The following PROKR2 variants were observed in gnomAD, a reference collection of about 807,000 sequenced individuals.
PROKR2 encodes the protein prokineticin receptor 2.
Under a neutral mutation model 23.4 loss-of-function variants are expected in PROKR2, and 26 were observed. That is an observed-to-expected ratio of 1.11 (90% confidence interval 0.81 to 1.54). PROKR2 has a LOEUF of 1.54. PROKR2 is among the 40% of genes most tolerant of loss of function. The pLI is 0.00. For missense variants in PROKR2, 453 were observed against 511.5 expected, an observed-to-expected ratio of 0.89 and a Z score of 1.10; for synonymous variants, 212 against 201.2, an observed-to-expected ratio of 1.05 and a Z score of -0.45.
chr20:5,315,777 G>A (rs1398811480), intron 1 of PROKR2: 1 of 450,304 alleles, frequency 2.2e-6, no homozygotes, highest in Non-Finnish European at 4.5e-6. Flanking sequence ...TTCTCTCCAG[G>A]TCGCCCCTCC....
rs556508174 is a variant in PROKR2, at chr20:5,316,009, G to A, written c.-9+485C>T. On this transcript the variant is annotated intron_variant, in intron 1 of 2. Transcript: ENST00000678254. The surrounding 1 kb of genome is among the most constrained non-coding windows in gnomAD (Gnocchi z 5.0). The stretch of plus-strand genomic sequence containing the variant: ...GCCCCATCAACGCGGCCGCACTGTC[G>A]GCGTCTAGAGGCGACATCCTGGCAA... The A allele has an allele frequency of 1.5e-5, 7 of 456,680 alleles. No individual in the cohort carries two copies. The East Asian group carries it at 4.9e-4, about 32-fold the overall frequency. The allele number at this position is 456,680 out of a possible 1,614,324, so 28.3% of individuals were successfully genotyped here. A position where few individuals can be genotyped will look rare whatever the true frequency, so the allele number is the denominator to read the frequency against.
chr20:5,303,836 T>C (rs1158569280), intron 2 of PROKR2, among the ~76,000 whole-genome samples: 1 of 152,152 alleles, frequency 6.6e-6, no homozygotes, highest in African/African-American at 2.4e-5. Context: ...AAGAGCAGGA[T>C]GCCGCCTGCT....
intron 2 of PROKR2, among the ~76,000 whole-genome samples, chr20:5,304,577 A>G (rs7263915): frequency 0.52 from 79,507 of 151,966 alleles, 20,825 homozygotes; most frequent in African/African-American, 0.57. Context: ...GGGGTTGGCG[A>G]CTGGGCTGGT....
chr20:5,314,472 T>C (rs961598629), intron 1 of PROKR2, 95 bp from the exon 2 acceptor site: 87 of 993,706 alleles, frequency 8.8e-5, no homozygotes, highest in Non-Finnish European at 1.2e-4. Flanking sequence ...GCCCACATCC[T>C]TGGGGAGAGT....
Position 5,309,041 on chromosome 20 carries a change from G to T in PROKR2, c.458+4871C>A, listed in dbSNP as rs543266759. Among the ~76,000 whole-genome samples the T allele has an allele frequency of 1.8e-4, 27 of 152,280 alleles. No individual in the cohort carries two copies. In the South Asian group the frequency reaches 3.9e-3, roughly 22 times the overall value. On this transcript the variant is annotated intron_variant, in intron 2 of 2. Coordinates refer to ENST00000678254, the MANE Select transcript of PROKR2 (RefSeq NM_144773.4). ...AGGTATATTAATATGCACAGTGGTT[G>T]CTGGGGTTCTTCAGCCATGCATGTG...
chr20:5,312,546 G>T (rs1979482912), intron 2 of PROKR2, among the ~76,000 whole-genome samples: 1 of 152,142 alleles, frequency 6.6e-6, no homozygotes, highest in African/African-American at 2.4e-5. Context: ...CGTTTTTCCT[G>T]CAGAAATTAT....
intron 2 of PROKR2, among the ~76,000 whole-genome samples, chr20:5,307,333 A>T (rs58506596): frequency 6.6e-6 from 1 of 152,316 alleles, no homozygotes; most frequent in East Asian, 1.9e-4. Flanking sequence ...TGACACAGAG[A>T]ACAATTATAC....
chr20:5,311,814 C>T (rs984551792), intron 2 of PROKR2, among the ~76,000 whole-genome samples: 2 of 152,188 alleles, frequency 1.3e-5, no homozygotes, highest in Admixed American at 6.5e-5. Context: ...TGCTTCCTGC[C>T]CTCAAACATT....
rs953483172 is a variant in PROKR2 at position 5,299,433 on chromosome 20, T to C, written c.*2607A>G. On this transcript the variant is annotated 3_prime_UTR_variant, in exon 3 of 3. Transcript: ENST00000678254. ...TTCCTAAAGAATCTCCTGATTCGGC[T>C]AAGAGCCAGGATAGAATAATAAATA... 3.0e-4 allele frequency among the ~76,000 whole-genome samples: 46 copies of C among 152,136 alleles called. No individual in the cohort carries two copies. The highest frequency in any genetic ancestry group is 1.0e-3 in the African/African-American group (42 of 41,546).
chr20:5,303,402 T>C (rs1338060904), intron 2 of PROKR2, among the ~76,000 whole-genome samples: 2 of 152,126 alleles, frequency 1.3e-5, no homozygotes, highest in Admixed American at 1.3e-4. Context: ...AGGACTCTAA[T>C]GAAAAGTAAA....
intron 2 of PROKR2, among the ~76,000 whole-genome samples, chr20:5,305,161 A>G (rs781694823): frequency 1.3e-5 from 2 of 152,236 alleles, no homozygotes; most frequent in Non-Finnish European, 2.9e-5. Flanking sequence ...TTTGAGAAAG[A>G]TGGGAACCTG....
At chr20:5,313,099 A>G (rs1042343925) in intron 2 of PROKR2, among the ~76,000 whole-genome samples, 2 of 152,256 alleles carry the variant, frequency 1.3e-5, no homozygotes, top group Middle Eastern at 3.2e-3. Flanking sequence ...GTATACATAC[A>G]TGCATAGAAA....
chr20:5,306,767 AAG>A (rs1228634132), intron 2 of PROKR2, among the ~76,000 whole-genome samples: 1 of 152,206 alleles, frequency 6.6e-6, no homozygotes, highest in African/African-American at 2.4e-5. Flanking sequence ...AAAAACAAAA[AAG>A]GGGGAGAAAT....
At chr20:5,308,713 G>A (rs933680674) in intron 2 of PROKR2, among the ~76,000 whole-genome samples, 1 of 152,142 alleles carries the variant, frequency 6.6e-6, no homozygotes, top group Non-Finnish European at 1.5e-5. Flanking sequence ...GGTCTCAGCA[G>A]CTGCCTATAG....
At chr20:5,312,400 C>T (rs1600587138) in intron 2 of PROKR2, among the ~76,000 whole-genome samples, 1 of 152,218 alleles carries the variant, frequency 6.6e-6, no homozygotes, top group Non-Finnish European at 1.5e-5. Context: ...AGCCACCGCA[C>T]CCGGGCTGAC....
intron 2 of PROKR2, among the ~76,000 whole-genome samples, chr20:5,312,614 T>G (rs543522350): frequency 2.0e-5 from 3 of 152,056 alleles, no homozygotes; most frequent in Non-Finnish European, 4.4e-5. Flanking sequence ...ATTACTAAAA[T>G]GAAAAATATT....
In PROKR2 at chr20:5,302,473, A is replaced by AGGG. The variant is rs1412789779; in HGVS notation, c.719_721dup (p.Thr240_Leu241insPro). ...CTCCCGGGAGATCCTGGCATAGCACAGGGTCATGGTGACCACAGGGCCCAC... is the reference window on the plus strand; with the variant it reads ...CTCCCGGGAGATCCTGGCATAGCACAGGGGGGTCATGGTGACCACAGGGCCCAC... On this transcript the variant is annotated inframe_insertion, in exon 3 of 3. Coordinates refer to ENST00000678254, the MANE Select transcript of PROKR2 (RefSeq NM_144773.4). The AGGG allele has an allele frequency of 6.2e-7, 1 of 1,614,232 alleles. No homozygotes were observed. The highest frequency in any genetic ancestry group is 1.3e-5 in the African/African-American group (1 of 75,054).
At chr20:5,312,092 G>A (rs1431290275) in intron 2 of PROKR2, among the ~76,000 whole-genome samples, 1 of 152,160 alleles carries the variant, frequency 6.6e-6, no homozygotes, top group African/African-American at 2.4e-5. Context: ...AGAGGGTGGG[G>A]TGGAGCCCAG....
At chr20:5,305,684 GA>G (rs34611853) in intron 2 of PROKR2, among the ~76,000 whole-genome samples, 3 of 151,578 alleles carry the variant, frequency 2.0e-5, no homozygotes, top group Non-Finnish European at 4.4e-5. Context: ...AACTATTCAG[GA>G]AAAAAAAATT....
Sources: gnomAD v4.1 joint callset for allele counts (sites outside exome capture counted in the v4.1 genomes callset) on GRCh38, gnomAD v4.1.1 for gene constraint, Gnocchi (gnomAD v3.1) non-coding constraint, MANE v1.5 for transcripts, NCBI Gene and HGNC (gene_info 2026-07-23, HGNC 2026-07-21) for gene names.